The following UBXN4 variants were observed in gnomAD, a reference collection of about 807,000 sequenced individuals.
The protein encoded by UBXN4 is UBX domain-containing protein 4.
UBXN4 carries 35 observed loss-of-function variants against 66.2 expected under a neutral mutation model. The ratio of observed to expected loss-of-function variants is 0.53; its 90% CI spans 0.40 to 0.70. The LOEUF is 0.70. UBXN4 is among the 30% of genes least tolerant of loss of function. UBXN4 has a pLI of 0.00. For missense variants in UBXN4, 533 were observed against 599.8 expected (o/e 0.89, Z 1.16); for synonymous variants, 203 against 204.5 (o/e 0.99, Z 0.06).
rs151036870 is a variant in UBXN4, at chr2:135,780,365, A to T, written c.1368A>T (p.Ser456=). 191 of 1,614,074 alleles carry T rather than the reference A, an allele frequency of 1.2e-4. 2 individuals are homozygous for T. The African/African-American group carries it at 2.2e-3, about 19-fold the overall frequency. ...CGTCAGAACCCCCAAACCCTGCATC[A>T]TCTAGCAAATCAGAAAAAAGGTATC... ...VTSSEPPNPA[S]SSKSEKREPV... is the part of the protein sequence containing the mutation. Residue 456 remains serine (S), a synonymous_variant, in exon 12 of 13, where the codon TCA becomes TCT. Coordinates refer to ENST00000272638, the MANE Select transcript of UBXN4 (RefSeq NM_014607.4).
Position 135,783,999 on chromosome 2 carries a change from A to G in UBXN4, c.*1112A>G, listed in dbSNP as rs1019581882. 1 of 150,008 alleles carries G rather than the reference A, an allele frequency of 6.7e-6. No individual in the cohort carries two copies. The highest frequency in any genetic ancestry group is 2.5e-5 in the African/African-American group (1 of 39,948). The allele number at this position is 150,008 out of a possible 1,614,324, so 9.3% of individuals were successfully genotyped here. A position where few individuals can be genotyped will look rare whatever the true frequency, so the allele number is the denominator to read the frequency against. ...CTTTATTTTGTAATGGGAGGAAGAA[A>G]TTTTCTCAGAGCAAACTTTCTATTT... On this transcript the variant is annotated 3_prime_UTR_variant, in exon 13 of 13. Coordinates refer to ENST00000272638, the MANE Select transcript of UBXN4 (RefSeq NM_014607.4).
intron 2 of UBXN4, among the ~76,000 whole-genome samples, chr2:135,749,511 C>T (rs563837478): frequency 2.6e-5 from 4 of 152,246 alleles, no homozygotes; most frequent in Middle Eastern, 3.4e-3. Flanking sequence ...GTAATTAACT[C>T]ATGGTCAGTC....
chr2:135,758,620 A>G (rs924672128), intron 5 of UBXN4, among the ~76,000 whole-genome samples: 3 of 152,176 alleles, frequency 2.0e-5, no homozygotes, highest in African/African-American at 7.2e-5. Flanking sequence ...CTTCATGGCC[A>G]ATATTCTCAT....
chr2:135,744,244 G>C (rs1369067661), intron 1 of UBXN4, among the ~76,000 whole-genome samples: 1 of 152,198 alleles, frequency 6.6e-6, no homozygotes, highest in Non-Finnish European at 1.5e-5. Context: ...TGGAAGACGT[G>C]ATCTCAAGAG....
intron 5 of UBXN4, among the ~76,000 whole-genome samples, chr2:135,758,073 T>A (rs1328361511): frequency 2.6e-5 from 2 of 76,960 alleles, no homozygotes; most frequent in Non-Finnish European, 5.8e-5. Flanking sequence ...CACACCTGGC[T>A]AATTTTTTTT....
At chr2:135,765,266 A>G (rs911138168) in intron 6 of UBXN4, among the ~76,000 whole-genome samples, 3 of 150,682 alleles carry the variant, frequency 2.0e-5, no homozygotes, top group South Asian at 2.1e-4. Flanking sequence ...CTGGGGTGCA[A>G]TGGCACAATC....
chr2:135,779,470 C>T (rs2077436717), intron 11 of UBXN4, among the ~76,000 whole-genome samples: 1 of 152,104 alleles, frequency 6.6e-6, no homozygotes, highest in African/African-American at 2.4e-5. Flanking sequence ...ATCTGCACAA[C>T]AATATTTTAA....
At chr2:135,744,394 CAAATT>C (rs67886411) in intron 1 of UBXN4, among the ~76,000 whole-genome samples, 13,548 of 151,302 alleles carry the variant, frequency 0.09, 948 homozygotes, top group South Asian at 0.23. Flanking sequence ...CTTCAGCTAA[CAAATT>C]AATATGATTT....
intron 6 of UBXN4, among the ~76,000 whole-genome samples, chr2:135,763,030 G>A (rs960381984): frequency 1.3e-5 from 2 of 152,106 alleles, no homozygotes; most frequent in Non-Finnish European, 2.9e-5. Flanking sequence ...CTTATGTAGG[G>A]GAATGTCAGC....
At chr2:135,769,531 G>A (rs905413107) in intron 6 of UBXN4, among the ~76,000 whole-genome samples, 65 of 152,110 alleles carry the variant, frequency 4.3e-4, no homozygotes, top group African/African-American at 1.5e-3. Flanking sequence ...CAGAAAAAAA[G>A]GGAAACTAAT....
Position 135,770,738 on chromosome 2 carries a change from A to G in UBXN4, c.822+3A>G. On this transcript the variant is annotated splice_donor_region_variant and intron_variant, in intron 8 of 12. Coordinates refer to ENST00000272638, the MANE Select transcript of UBXN4 (RefSeq NM_014607.4). ...GTATAAAACAGCAGATTGCATTGGT[A>G]AGTCTTAAGTTTCCAGACATTCGTG... 6.7e-7 allele frequency: 1 copy of G among 1,489,532 alleles called. No homozygotes were observed. Among genetic ancestry groups the G allele is most frequent in the Non-Finnish European group, 8.9e-7 (1 of 1,123,660 alleles). The allele number at this position is 1,489,532 out of a possible 1,614,324, so 92.3% of individuals were successfully genotyped here. A position where few individuals can be genotyped will look rare whatever the true frequency, so the allele number is the denominator to read the frequency against.
intron 10 of UBXN4, among the ~76,000 whole-genome samples, chr2:135,777,270 A>G (rs1459072729): frequency 2.0e-5 from 3 of 152,134 alleles, no homozygotes; most frequent in Non-Finnish European, 2.9e-5. Flanking sequence ...TTTGGGTTCT[A>G]GGCTCATTAT....
chr2:135,746,214 T>A (rs914788509), intron 1 of UBXN4, among the ~76,000 whole-genome samples: 1 of 152,184 alleles, frequency 6.6e-6, no homozygotes, highest in Non-Finnish European at 1.5e-5. Context: ...TATTCCTGAA[T>A]CTCATCTCAC....
intron 5 of UBXN4, among the ~76,000 whole-genome samples, chr2:135,761,420 G>T (rs2077314990): frequency 2.5e-5 from 2 of 81,346 alleles, no homozygotes; most frequent in Non-Finnish European, 7.1e-5. Flanking sequence ...ACTAAAATTT[G>T]TCCCTCACTT....
intron 12 of UBXN4, among the ~76,000 whole-genome samples, chr2:135,781,071 T>G (rs1286638557): frequency 6.6e-6 from 1 of 152,082 alleles, no homozygotes; most frequent in African/African-American, 2.4e-5. Flanking sequence ...CAAAAACAAT[T>G]TAAAAATTTG....
At chr2:135,770,839 A>G in intron 8 of UBXN4, 104 bp downstream of exon 8, 1 of 1,117,156 alleles carries the variant, frequency 9.0e-7, no homozygotes, top group Non-Finnish European at 1.2e-6. Context: ...AGTGACTCAT[A>G]GACTACCAAT....
At chr2:135,778,297 A>C (rs2077430412) in intron 10 of UBXN4, among the ~76,000 whole-genome samples, 1 of 152,090 alleles carries the variant, frequency 6.6e-6, no homozygotes, top group Non-Finnish European at 1.5e-5. Context: ...AGTAAAAAAA[A>C]AAAAATACGA....
At position 135,770,742 on chromosome 2, in the gene UBXN4, CTTAAG is replaced by C; in HGVS notation, c.822+10_822+14del. The C allele has an allele frequency of 6.7e-7, 1 of 1,484,594 alleles. No individual in the cohort carries two copies. Among genetic ancestry groups the C allele is most frequent in the Non-Finnish European group, 8.9e-7 (1 of 1,121,056 alleles). The allele number at this position is 1,484,594 out of a possible 1,614,324, so 92.0% of individuals were successfully genotyped here. A position where few individuals can be genotyped will look rare whatever the true frequency, so the allele number is the denominator to read the frequency against. ...AAAACAGCAGATTGCATTGGTAAGT[CTTAAG>C]TTTCCAGACATTCGTGAAACTGTTT... is the stretch of plus-strand genomic sequence containing the variant. On this transcript the variant is annotated splice_region_variant and intron_variant, in intron 8 of 12. Transcript: ENST00000272638.
intron 5 of UBXN4, among the ~76,000 whole-genome samples, chr2:135,759,750 G>GT (rs1260542111): frequency 3.1e-5 from 4 of 128,630 alleles, no homozygotes; most frequent in African/African-American, 1.1e-4. Flanking sequence ...TTATTGAGGT[G>GT]TTTTTTCAAT....
Sources: allele counts gnomAD v4.1 joint callset (sites outside exome capture counted in the v4.1 genomes callset), GRCh38; gene constraint gnomAD v4.1.1; transcripts MANE v1.5; gene names NCBI Gene and HGNC (gene_info 2026-07-23, HGNC 2026-07-21).